Variants in SLC30A8 observed in about 807,000 individuals in gnomAD.
The protein encoded by SLC30A8 is proton-coupled zinc antiporter SLC30A8.
SLC30A8 carries 27 observed loss-of-function variants against 36.9 expected under a neutral mutation model. That is an observed-to-expected ratio of 0.73 (90% CI 0.54 to 1.01). The LOEUF (loss-of-function observed/expected upper bound fraction) is 1.01. SLC30A8 is among the 50% of genes least tolerant of loss of function. The pLI, the probability that SLC30A8 is intolerant of heterozygous loss-of-function variation, is 0.00. For missense variants in SLC30A8, 439 were observed against 452.0 expected, an observed-to-expected ratio of 0.97 and a Z score of 0.26; for synonymous variants, 164 against 172.4, an observed-to-expected ratio of 0.95 and a Z score of 0.38.
At chr8:117,139,791 C>T (rs1198754319) in intron 1 of SLC30A8, among the ~76,000 whole-genome samples, 1 of 150,776 alleles carries the variant, frequency 6.6e-6, no homozygotes. Flanking sequence ...CTGCATCTAC[C>T]CAATGATGCA....
intron 2 of SLC30A8, among the ~76,000 whole-genome samples, chr8:117,123,802 G>A (rs1322672859): frequency 1.3e-5 from 2 of 151,854 alleles, no homozygotes; most frequent in Non-Finnish European, 2.9e-5. Flanking sequence ...AATTAAAGTT[G>A]CTTATTTTAA....
At chr8:116,991,792 CT>C (rs1354721480) in intron 1 of SLC30A8, among the ~76,000 whole-genome samples, 1 of 152,114 alleles carries the variant, frequency 6.6e-6, no homozygotes, top group Non-Finnish European at 1.5e-5. Context: ...ATTTAAATTA[CT>C]TTTTTTGACT....
chr8:117,028,874 T>G (rs1010617664), intron 1 of SLC30A8, among the ~76,000 whole-genome samples: 1 of 152,094 alleles, frequency 6.6e-6, no homozygotes, highest in Non-Finnish European at 1.5e-5. Context: ...AAGGACAAAT[T>G]GAGGTGGCCT....
rs148177444 is a variant in SLC30A8 at position 117,143,715 on chromosome 8, G to A, written c.72-3239G>A. Among the ~76,000 whole-genome samples the A allele has an allele frequency of 6.1e-4, 81 of 132,804 alleles. 1 individual carries two copies. The highest frequency in any genetic ancestry group is 2.0e-3 in the African/African-American group (75 of 38,018). 87.1% of individuals were successfully genotyped at this position (132,804 alleles called of 152,430 possible). A position where few individuals can be genotyped will look rare whatever the true frequency, so the allele number is the denominator to read the frequency against. ...ACACACACTCACACATGAACACATCGTATACAATTCCAATGGACCTTATGA... is the reference window on the plus strand; with the variant it reads ...ACACACACTCACACATGAACACATCATATACAATTCCAATGGACCTTATGA... On this transcript the variant is annotated intron_variant, in intron 1 of 7. Coordinates refer to ENST00000456015, the MANE Select transcript of SLC30A8 (RefSeq NM_173851.3).
At chr8:117,020,461 T>G (rs927318621) in intron 1 of SLC30A8, among the ~76,000 whole-genome samples, 4 of 152,202 alleles carry the variant, frequency 2.6e-5, no homozygotes, top group African/African-American at 9.7e-5. Flanking sequence ...TGGAAAGTAA[T>G]CTGGTACTAA....
chr8:117,114,536 G>T (rs766084284), intron 2 of SLC30A8, among the ~76,000 whole-genome samples: 4 of 152,022 alleles, frequency 2.6e-5, no homozygotes, highest in African/African-American at 9.7e-5. Flanking sequence ...GCTGACCCCC[G>T]TCAGCTTTAA....
At chr8:117,065,332 A>G (rs1342243685) in intron 2 of SLC30A8, among the ~76,000 whole-genome samples, 1 of 152,202 alleles carries the variant, frequency 6.6e-6, no homozygotes, top group African/African-American at 2.4e-5. Flanking sequence ...ATGAGTTTAA[A>G]AATTACATAA....
chr8:117,055,262 A>G (rs1232894128), intron 2 of SLC30A8, among the ~76,000 whole-genome samples: 2 of 152,236 alleles, frequency 1.3e-5, no homozygotes, highest in African/African-American at 2.4e-5. Flanking sequence ...TTGGAAAAAG[A>G]TGACAAAGAA....
intron 1 of SLC30A8, among the ~76,000 whole-genome samples, chr8:117,000,635 A>T (rs2130684330): frequency 6.6e-6 from 1 of 152,192 alleles, no homozygotes; most frequent in East Asian, 1.9e-4. Context: ...GTTAAGACAG[A>T]AAAAAAAGAA....
intron 2 of SLC30A8, among the ~76,000 whole-genome samples, chr8:117,088,626 A>G (rs1460046350): frequency 6.6e-6 from 1 of 152,186 alleles, no homozygotes; most frequent in African/African-American, 2.4e-5. Context: ...ATTTAAGACA[A>G]ATTTGTTTTC....
chr8:117,099,036 C>T (rs1819594023), intron 2 of SLC30A8, among the ~76,000 whole-genome samples: 1 of 152,080 alleles, frequency 6.6e-6, no homozygotes, highest in Admixed American at 6.6e-5. Context: ...GGGATGAATT[C>T]TAGCAGAGAG....
chr8:117,158,728 C>A (rs1165021144), intron 4 of SLC30A8, among the ~76,000 whole-genome samples: 1 of 152,184 alleles, frequency 6.6e-6, no homozygotes, highest in Non-Finnish European at 1.5e-5. Flanking sequence ...CAAATTTCTC[C>A]TTCCCATTTG....
At chr8:117,116,022 G>T (rs144444348) in intron 2 of SLC30A8, among the ~76,000 whole-genome samples, 1 of 152,016 alleles carries the variant, frequency 6.6e-6, no homozygotes, top group African/African-American at 2.4e-5. Flanking sequence ...AGAGATTTTT[G>T]TGGAGGGGAG....
chr8:117,111,312 G>T (rs2130879612), intron 2 of SLC30A8, among the ~76,000 whole-genome samples: 1 of 152,232 alleles, frequency 6.6e-6, no homozygotes, highest in East Asian at 1.9e-4. Context: ...TTAGGAACTG[G>T]GTTTTGGAAG....
chr8:117,057,357 TA>T (rs1431118354), intron 2 of SLC30A8, among the ~76,000 whole-genome samples: 1 of 152,196 alleles, frequency 6.6e-6, no homozygotes, highest in Admixed American at 6.5e-5. Flanking sequence ...ATGTATCCAT[TA>T]CCTATAAGAT....
chr8:117,117,094 G>A lies in SLC30A8; in HGVS notation c.-225-18186G>A, dbSNP rs955936715. Among the ~76,000 whole-genome samples the A allele has an allele frequency of 1.3e-5, 2 of 151,864 alleles. 1 individual carries two copies. The highest frequency in any genetic ancestry group is 2.9e-5 in the Non-Finnish European group (2 of 67,926). On this transcript the variant is annotated intron_variant, in intron 2 of 10. Coordinates refer to the SLC30A8 transcript ENST00000427715. ...GCTATCAGCATTTTTGTCTTTCCGAGGAAAGACCCATCTTTAGAATAATTT... is the reference window on the plus strand; with the variant it reads ...GCTATCAGCATTTTTGTCTTTCCGAAGAAAGACCCATCTTTAGAATAATTT...
intron 2 of SLC30A8, among the ~76,000 whole-genome samples, chr8:117,111,609 C>A (rs916317454): frequency 1.2e-4 from 18 of 152,192 alleles, no homozygotes; most frequent in African/African-American, 4.3e-4. Flanking sequence ...AATTAGAGTG[C>A]ATTATGGGAC....
At chr8:117,089,920 C>T (rs1819034823) in intron 2 of SLC30A8, among the ~76,000 whole-genome samples, 2 of 152,176 alleles carry the variant, frequency 1.3e-5, no homozygotes, top group Non-Finnish European at 2.9e-5. Flanking sequence ...TTGCTGCCTT[C>T]TGCACTTGGG....
intron 1 of SLC30A8, among the ~76,000 whole-genome samples, chr8:116,963,057 G>T (rs889555268): frequency 3.3e-5 from 5 of 149,314 alleles, no homozygotes; most frequent in African/African-American, 1.2e-4. Context: ...AGTTGGCCTG[G>T]GAGTGGAAGA....
Sources: gnomAD v4.1 joint callset for allele counts (sites outside exome capture counted in the v4.1 genomes callset) on GRCh38, gnomAD v4.1.1 for gene constraint, MANE v1.5 for transcripts, NCBI Gene and HGNC (gene_info 2026-07-23, HGNC 2026-07-21) for gene names.